The following GNAQ variants were observed in gnomAD, a reference collection of about 807,000 sequenced individuals.
The protein encoded by GNAQ is guanine nucleotide-binding protein G(q) subunit alpha.
GNAQ carries 8 observed loss-of-function variants against 43.9 expected under a neutral mutation model. That is an observed-to-expected ratio of 0.18 (90% CI 0.11 to 0.33). The LOEUF is 0.33. Ranked by LOEUF, GNAQ falls within the 10% of genes least tolerant of loss-of-function variation. The pLI, the probability that GNAQ is intolerant of heterozygous loss-of-function variation, is 1.00. For missense variants in GNAQ, 158 were observed against 450.8 expected (o/e 0.35, Z 5.88); for synonymous variants, 155 against 170.7 (o/e 0.91, Z 0.71).
intron 3 of GNAQ, among the ~76,000 whole-genome samples, chr9:77,803,011 GC>G (rs1826770660): frequency 6.6e-6 from 1 of 151,462 alleles, no homozygotes; most frequent in Non-Finnish European, 1.5e-5. Context: ...GGTGGTCAGG[GC>G]CCACAAGTGC....
chr9:77,834,160 GA>G (rs1225770759), intron 2 of GNAQ, among the ~76,000 whole-genome samples: 2 of 152,166 alleles, frequency 1.3e-5, no homozygotes, highest in Non-Finnish European at 2.9e-5. Flanking sequence ...ATGTATTTGT[GA>G]ATGCTGAAAT....
chr9:78,015,181 T>TA (rs1197222947), intron 1 of GNAQ, among the ~76,000 whole-genome samples: 5 of 152,342 alleles, frequency 3.3e-5, no homozygotes, highest in Admixed American at 6.5e-5. Context: ...CACAAATACT[T>TA]ACCACTGTGC....
intron 2 of GNAQ, among the ~76,000 whole-genome samples, chr9:77,878,030 G>T (rs1828152304): frequency 6.6e-6 from 1 of 152,126 alleles, no homozygotes; most frequent in Non-Finnish European, 1.5e-5. Flanking sequence ...ACTAGCCTGG[G>T]TGTTCCATGA....
chr9:77,865,777 C>G (rs929695207), intron 2 of GNAQ, among the ~76,000 whole-genome samples: 19 of 152,154 alleles, frequency 1.2e-4, no homozygotes, highest in African/African-American at 3.9e-4. Flanking sequence ...CTCCATCTCT[C>G]GTGTTGTATG....
At chr9:77,784,364 C>A (rs1490637938) in intron 5 of GNAQ, among the ~76,000 whole-genome samples, 1 of 152,030 alleles carries the variant, frequency 6.6e-6, no homozygotes, top group Non-Finnish European at 1.5e-5. Flanking sequence ...CCCCAGAATT[C>A]CCAAATTACA....
intron 2 of GNAQ, among the ~76,000 whole-genome samples, chr9:77,827,683 C>A (rs560501137): frequency 2.6e-5 from 4 of 151,964 alleles, no homozygotes; most frequent in African/African-American, 9.7e-5. Context: ...ATATAATGAC[C>A]GCTTCATTCT....
At chr9:77,921,493 T>G (rs1828996228) in intron 2 of GNAQ, among the ~76,000 whole-genome samples, 1 of 152,252 alleles carries the variant, frequency 6.6e-6, no homozygotes, top group African/African-American at 2.4e-5. Flanking sequence ...GATGGTATTC[T>G]ACTTCAACCA....
intron 2 of GNAQ, 49 bp from the exon 3 acceptor site, chr9:77,815,819 T>C: frequency 7.4e-7 from 1 of 1,347,934 alleles, no homozygotes; most frequent in African/African-American, 1.5e-5. Context: ...CTTTCCAAAT[T>C]TTCTTTGCTT....
At chr9:77,842,021 A>G (rs376763443) in intron 2 of GNAQ, among the ~76,000 whole-genome samples, 14 of 152,226 alleles carry the variant, frequency 9.2e-5, no homozygotes, top group East Asian at 5.8e-4. Flanking sequence ...GCAGGTGTAT[A>G]GCTTAGAAAT....
intron 5 of GNAQ, among the ~76,000 whole-genome samples, chr9:77,790,648 T>C (rs575167747): frequency 2.1e-4 from 32 of 152,322 alleles, no homozygotes; most frequent in Admixed American, 9.2e-4. Flanking sequence ...GGGCAGGATT[T>C]TCATTCTACT....
intron 5 of GNAQ, among the ~76,000 whole-genome samples, chr9:77,758,831 C>A (rs1284336157): frequency 6.6e-6 from 1 of 152,026 alleles, no homozygotes; most frequent in Non-Finnish European, 1.5e-5. Flanking sequence ...TCCATCTCTG[C>A]ACGTAAGTTT....
At chr9:77,950,028 A>G (rs916284936) in intron 1 of GNAQ, among the ~76,000 whole-genome samples, 1 of 152,070 alleles carries the variant, frequency 6.6e-6, no homozygotes, top group African/African-American at 2.4e-5. Flanking sequence ...CCTGTACTTT[A>G]TTTCTCACAG....
At position 77,720,287 on chromosome 9, in the gene GNAQ, T is replaced by G. The variant is rs993278793; in HGVS notation, c.*1036A>C. The G allele has an allele frequency of 3.9e-5, 9 of 233,426 alleles. No homozygotes were observed. The highest frequency in any genetic ancestry group is 5.9e-5 in the Non-Finnish European group (7 of 117,956). The allele number at this position is 233,426 out of a possible 1,614,324, so 14.5% of individuals were successfully genotyped here. A position where few individuals can be genotyped will look rare whatever the true frequency, so the allele number is the denominator to read the frequency against. On this transcript the variant is annotated 3_prime_UTR_variant, in exon 7 of 7. Coordinates refer to ENST00000286548, the MANE Select transcript of GNAQ (RefSeq NM_002072.5). ...AAGATACCAGCTTTTATTTTTTAAG[T>G]TCGTATTCATTTTATTTGACAAAAA... is the stretch of plus-strand genomic sequence containing the variant.
At chr9:77,798,727 T>C (rs1162665382) in intron 3 of GNAQ, among the ~76,000 whole-genome samples, 1 of 152,210 alleles carries the variant, frequency 6.6e-6, no homozygotes, top group East Asian at 1.9e-4. Flanking sequence ...GCTATGTGAA[T>C]AGCTGTTATA....
intron 5 of GNAQ, among the ~76,000 whole-genome samples, chr9:77,751,791 AAAAC>A (rs369887847): frequency 0.051 from 7,777 of 152,096 alleles, 575 homozygotes; most frequent in African/African-American, 0.17. Flanking sequence ...AGACCTCCAA[AAAAC>A]AAACAAACAA....
rs187416903 is a variant in GNAQ, at chr9:77,880,776, G to A, written c.321+41385C>T. Among the ~76,000 whole-genome samples the A allele has an allele frequency of 5.3e-5, 8 of 152,174 alleles. No homozygotes were observed. The East Asian group carries it at 5.8e-4, about 11-fold the overall frequency. On this transcript the variant is annotated intron_variant, in intron 2 of 6. Transcript: ENST00000286548. ...TCTGTTAGTTTGCCCCTGCTGATAC[G>A]CATTATGCCTGGAGTGTGTTTTTCA...
At chr9:77,813,998 CTG>C (rs761792676) in intron 3 of GNAQ, among the ~76,000 whole-genome samples, 2 of 152,008 alleles carry the variant, frequency 1.3e-5, no homozygotes, top group Non-Finnish European at 2.9e-5. Flanking sequence ...AGATTCAAAA[CTG>C]AGGGTGGAGG....
intron 1 of GNAQ, among the ~76,000 whole-genome samples, chr9:77,955,233 C>T (rs1181297134): frequency 6.6e-6 from 1 of 152,170 alleles, no homozygotes. Context: ...ACCTCTGCCG[C>T]CCAGGTTCAA....
At chr9:77,907,985 T>C (rs1372699601) in intron 2 of GNAQ, among the ~76,000 whole-genome samples, 1 of 152,172 alleles carries the variant, frequency 6.6e-6, no homozygotes, top group Admixed American at 6.5e-5. Flanking sequence ...TAATTCTGGG[T>C]TGGGCTTAAT....
Sources: allele counts gnomAD v4.1 joint callset (sites outside exome capture counted in the v4.1 genomes callset), GRCh38; gene constraint gnomAD v4.1.1; transcripts MANE v1.5; gene names NCBI Gene and HGNC (gene_info 2026-07-23, HGNC 2026-07-21).